Variants in ZCCHC8 observed in about 807,000 individuals in gnomAD.
ZCCHC8 encodes the protein zinc finger CCHC domain-containing protein 8.
In ZCCHC8, 27 loss-of-function variants were observed where a neutral mutation model predicts 70.6. That is an observed-to-expected ratio of 0.38 (90% CI 0.28 to 0.53). The LOEUF (loss-of-function observed/expected upper bound fraction) is 0.53. Ranked by LOEUF, ZCCHC8 falls within the 20% of genes least tolerant of loss-of-function variation. The pLI, the probability that ZCCHC8 is intolerant of heterozygous loss-of-function variation, is 0.81. For missense variants in ZCCHC8, 737 were observed against 876.9 expected, an observed-to-expected ratio of 0.84 and a Z score of 2.01; for synonymous variants, 293 against 317.4, an observed-to-expected ratio of 0.92 and a Z score of 0.82.
chr12:122,492,783 T>G lies in ZCCHC8; in HGVS notation c.249A>C (p.Ile83=). The change falls in exon 3 of 14, where the codon ATA becomes ATC. Residue 83 remains isoleucine, a synonymous_variant. Transcript: ENST00000633063. The part of the protein sequence containing the change: ...KLNILTRPSG[I]LVNDTKLDGP... The stretch of plus-strand genomic sequence containing the variant: ...CATCTAACTTAGTATCGTTCACCAA[T>G]ATTCCACTAAAACAGAAGTTAGAAC... 6.5e-7 allele frequency: 1 copy of G among 1,537,068 alleles called. No individual in the cohort carries two copies. Among genetic ancestry groups the G allele is most frequent in the Non-Finnish European group, 8.8e-7 (1 of 1,131,964 alleles).
chr12:122,500,301 C>T lies in ZCCHC8; in HGVS notation c.199+341G>A. 1 of 266,298 alleles carries T rather than the reference C, an allele frequency of 3.8e-6. No homozygotes were observed. Among genetic ancestry groups the T allele is most frequent in the East Asian group, 8.9e-5 (1 of 11,190 alleles). 16.5% of individuals were successfully genotyped at this position (266,298 alleles called of 1,614,324 possible). On this transcript the variant is annotated intron_variant, in intron 1 of 13. Coordinates refer to ENST00000633063, the MANE Select transcript of ZCCHC8 (RefSeq NM_017612.5). The surrounding 1 kb of genome is among the most constrained non-coding windows in gnomAD (Gnocchi z 4.8). ...AGCGTGGCTGCGAAATATGAAACCT[C>T]ACCACGACCTCAAACAGAGGGGGGC...
rs955882209 is a variant in ZCCHC8 at position 122,483,683 on chromosome 12, ACTTC to A, written c.502-124_502-121del. 1 of 854,108 alleles carries A rather than the reference ACTTC, an allele frequency of 1.2e-6. No homozygotes were observed. The highest frequency in any genetic ancestry group is 1.7e-5 in the African/African-American group (1 of 58,378). 52.9% of individuals were successfully genotyped at this position (854,108 alleles called of 1,614,324 possible). A position where few individuals can be genotyped will look rare whatever the true frequency, so the allele number is the denominator to read the frequency against. On this transcript the variant is annotated intron_variant, in intron 5 of 13. Transcript: ENST00000633063. The surrounding 1 kb of genome is among the most constrained non-coding windows in gnomAD (Gnocchi z 4.4). Reference sequence around the variant, plus strand: ...TTGGATGGAATTATTAGAAATAATAACTTCCTTGTTATTAAGGAGCCAGACTTTG... The same window carrying A: ...TTGGATGGAATTATTAGAAATAATAACTTGTTATTAAGGAGCCAGACTTTG...
At chr12:122,494,519 C>T (rs1240226655) in intron 2 of ZCCHC8, among the ~76,000 whole-genome samples, 2 of 149,956 alleles carry the variant, frequency 1.3e-5, no homozygotes, top group Non-Finnish European at 3.0e-5. Context: ...AAGATTGTGC[C>T]ACTGCACTCC....
chr12:122,495,279 C>T (rs1315954537), intron 2 of ZCCHC8, among the ~76,000 whole-genome samples: 1 of 152,086 alleles, frequency 6.6e-6, no homozygotes, highest in Non-Finnish European at 1.5e-5. Flanking sequence ...CACCTGAGGT[C>T]AGGAGCTGGA....
intron 3 of ZCCHC8, 83 bp downstream of exon 3, chr12:122,492,632 G>T: frequency 2.2e-6 from 2 of 889,662 alleles, no homozygotes; most frequent in Non-Finnish European, 3.5e-6. Context: ...AATGATATGA[G>T]TACAAATGAA....
At position 122,500,906 on chromosome 12, in the gene ZCCHC8, G is replaced by T; in HGVS notation, c.-66C>A. The T allele has an allele frequency of 1.3e-6, 2 of 1,510,502 alleles. No individual in the cohort carries two copies. The highest frequency in any genetic ancestry group is 9.0e-7 in the Non-Finnish European group (1 of 1,116,760). The allele number at this position is 1,510,502 out of a possible 1,614,324, so 93.6% of individuals were successfully genotyped here. On this transcript the variant is annotated 5_prime_UTR_variant, in exon 1 of 14. Transcript: ENST00000633063. This position sits in a 1 kb window ranked among gnomAD's most constrained non-coding sequence, Gnocchi z 4.8. ...CACCAGGGCTTGGGGAAGAAGGTTGGAAGGCGGCACCACTCTCTAGAGCTC... is the reference window on the plus strand; with the variant it reads ...CACCAGGGCTTGGGGAAGAAGGTTGTAAGGCGGCACCACTCTCTAGAGCTC...
At position 122,481,539 on chromosome 12, in the gene ZCCHC8, G is replaced by A; in HGVS notation, c.1001C>T (p.Ala334Val). The A allele has an allele frequency of 6.2e-7, 1 of 1,613,510 alleles. No homozygotes were observed. Among genetic ancestry groups the A allele is most frequent in the Non-Finnish European group, 8.5e-7 (1 of 1,179,758 alleles). The change falls in exon 10 of 14, where the codon GCA becomes GTA. Residue 334 changes from alanine (A) to valine (V), a missense_variant. Physicochemically the swap from Ala to Val is moderately conservative, Grantham distance 64. Transcript: ENST00000633063. ...KEAELENSGL[A>V]LYDGKDGTDG... Reference sequence around the variant, plus strand: ...TACTATACCTTTTCCATCATAGAGTGCAAGCCCCGAATTCTCCAATTCAGC... The same window carrying A: ...TACTATACCTTTTCCATCATAGAGTACAAGCCCCGAATTCTCCAATTCAGC...
At chr12:122,481,435 C>T in intron 10 of ZCCHC8, 87 bp downstream of exon 10, 2 of 1,462,544 alleles carry the variant, frequency 1.4e-6, no homozygotes, top group African/African-American at 1.4e-5. Flanking sequence ...AAGAAGCCGG[C>T]CATTCCTATC....
Position 122,489,480 on chromosome 12 carries a change from C to T in ZCCHC8, c.424-17G>A. 6.2e-7 allele frequency: 1 copy of T among 1,610,706 alleles called. No homozygotes were observed. Among genetic ancestry groups the T allele is most frequent in the Non-Finnish European group, 8.5e-7 (1 of 1,177,868 alleles). On this transcript the variant is annotated splice_polypyrimidine_tract_variant and intron_variant, in intron 4 of 13. Transcript: ENST00000633063. Reference sequence around the variant, plus strand: ...ACTGGATGGCTAATACAAAGAAAAACACATATTACAACCGGTAACCAATTT... The same window carrying T: ...ACTGGATGGCTAATACAAAGAAAAATACATATTACAACCGGTAACCAATTT...
intron 13 of ZCCHC8, among the ~76,000 whole-genome samples, chr12:122,476,633 G>C (rs569962851): frequency 6.6e-6 from 1 of 151,472 alleles, no homozygotes; most frequent in Non-Finnish European, 1.5e-5. Context: ...AGAAATAGAG[G>C]AAAGAGCCCC....
intron 9 of ZCCHC8, 117 bp from the exon 10 acceptor site, chr12:122,481,781 A>G (rs1957540776): frequency 2.2e-6 from 3 of 1,382,494 alleles, no homozygotes. Context: ...CGTCTAACAA[A>G]TATAAATTAA....
intron 11 of ZCCHC8, 67 bp from the exon 12 acceptor site, chr12:122,478,359 G>T: frequency 8.3e-7 from 1 of 1,209,860 alleles, no homozygotes; most frequent in Non-Finnish European, 1.2e-6. Flanking sequence ...TTGAGATTTT[G>T]CTCAAAGGAG....
chr12:122,473,663 G>A lies in ZCCHC8; in HGVS notation c.1958C>T (p.Ala653Val), dbSNP rs768463450. The A allele has an allele frequency of 1.9e-6, 3 of 1,613,980 alleles. No homozygotes were observed. The highest frequency in any genetic ancestry group is 2.5e-6 in the Non-Finnish European group (3 of 1,179,894). The change falls in exon 14 of 14, where the codon GCC becomes GTC. Residue 653 changes from alanine to valine, a missense_variant. By Grantham distance (64) the Ala-to-Val change is moderately conservative. Transcript: ENST00000633063. ...LFPADTSPST[A>V]TKIHSPIPDM... ...AGGTATAGGGCTATGAATTTTAGTGGCCGTTGAAGGACTGGTGTCTGCAGG... is the reference window on the plus strand; with the variant it reads ...AGGTATAGGGCTATGAATTTTAGTGACCGTTGAAGGACTGGTGTCTGCAGG...
At chr12:122,492,259 TA>T (rs11367733) in intron 3 of ZCCHC8, 2,938 of 169,952 alleles carry the variant, frequency 0.017, 51 homozygotes, top group African/African-American at 0.046. Context: ...GTTTTGCTGT[TA>T]AAACAAATAA....
chr12:122,478,080 T>A (rs1957454900), intron 12 of ZCCHC8, 122 bp from the exon 13 acceptor site: 1 of 1,207,730 alleles, frequency 8.3e-7, no homozygotes, highest in Non-Finnish European at 1.2e-6. Context: ...TTGGTGAATT[T>A]TGCCACTGTT....
rs747163693 is a variant in ZCCHC8, at chr12:122,498,833, C to A, written c.236G>T (p.Arg79Leu). The change falls in exon 2 of 14, where the codon CGA (arginine) becomes CTA (leucine). Residue 79 changes from arginine to leucine, a missense_variant. Physicochemically the swap from Arg to Leu is moderately radical, Grantham distance 102. Transcript: ENST00000633063. Reference protein sequence around the residue: ...ELKRKLNILTRPSGILVNDTK... With the variant: ...ELKRKLNILTLPSGILVNDTK... The stretch of plus-strand genomic sequence containing the variant: ...AATTTCAAAAATCTCATACCTCGGT[C>A]GAGTCAGAATGTTCAATTTTCGTTT... 2 of 1,613,124 alleles carry A rather than the reference C, an allele frequency of 1.2e-6. No individual in the cohort carries two copies. Among genetic ancestry groups the A allele is most frequent in the African/African-American group, 1.3e-5 (1 of 74,880 alleles).
chr12:122,497,230 T>G (rs184107975), intron 2 of ZCCHC8, among the ~76,000 whole-genome samples: 3 of 152,200 alleles, frequency 2.0e-5, no homozygotes, highest in Admixed American at 2.0e-4. Context: ...TTATTCCAAC[T>G]GGTGCCAGGG....
chr12:122,484,004 C>T (rs535810219), intron 5 of ZCCHC8: 2 of 164,612 alleles, frequency 1.2e-5, no homozygotes, highest in African/African-American at 4.8e-5. Context: ...ACAATGAATA[C>T]CCAATGTATC....
chr12:122,476,382 CAGG>C (rs1408779966), intron 13 of ZCCHC8, among the ~76,000 whole-genome samples: 1 of 151,990 alleles, frequency 6.6e-6, no homozygotes, highest in Non-Finnish European at 1.5e-5. Flanking sequence ...TGCTTAAACT[CAGG>C]AGTTCAATAT....
Sources: gnomAD v4.1 joint callset for allele counts (sites outside exome capture counted in the v4.1 genomes callset) on GRCh38, gnomAD v4.1.1 for gene constraint, Gnocchi (gnomAD v3.1) non-coding constraint, MANE v1.5 for transcripts, NCBI Gene and HGNC (gene_info 2026-07-23, HGNC 2026-07-21) for gene names.